GABRB1: variants seen among roughly 807,000 people sequenced by gnomAD.
GABRB1 encodes the protein gamma-aminobutyric acid type A receptor subunit beta1, also known as gamma-aminobutyric acid receptor subunit beta-1.
Under a neutral mutation model 51.6 loss-of-function variants are expected in GABRB1, and 17 were observed. The observed-to-expected ratio is 0.33, with a 90% CI of 0.23 to 0.49. The LOEUF is 0.49. Among genes scored for constraint, GABRB1 ranks in the 20% least tolerant of loss-of-function variants. The pLI is 0.99. For missense variants in GABRB1, 410 were observed against 600.6 expected (o/e 0.68, Z 3.32); for synonymous variants, 247 against 218.9 (o/e 1.13, Z -1.14).
intron 4 of GABRB1, among the ~76,000 whole-genome samples, chr4:47,239,815 T>C (rs1721459701): frequency 6.6e-6 from 1 of 152,214 alleles, no homozygotes; most frequent in Non-Finnish European, 1.5e-5. Flanking sequence ...GGCTGGCAGC[T>C]TGGTTCCAGT....
chr4:47,248,537 G>T (rs187289383), intron 4 of GABRB1, among the ~76,000 whole-genome samples: 2 of 151,918 alleles, frequency 1.3e-5, no homozygotes, highest in East Asian at 1.9e-4. Flanking sequence ...ATTAGAGAGG[G>T]TTCTTTCTTT....
At chr4:47,071,231 T>C (rs1727322036) in intron 3 of GABRB1, among the ~76,000 whole-genome samples, 1 of 152,232 alleles carries the variant, frequency 6.6e-6, no homozygotes, top group Non-Finnish European at 1.5e-5. Context: ...TTCTGAATGA[T>C]AGCAAAAGCT....
chr4:47,226,437 C>T (rs922526711), intron 4 of GABRB1, among the ~76,000 whole-genome samples: 6 of 152,170 alleles, frequency 3.9e-5, no homozygotes, highest in South Asian at 2.1e-4. Flanking sequence ...CTAGGAACAT[C>T]GCCAAGAAGC....
intron 4 of GABRB1, among the ~76,000 whole-genome samples, chr4:47,271,040 TCAAG>T (rs1722856518): frequency 6.6e-6 from 1 of 152,146 alleles, no homozygotes; most frequent in Non-Finnish European, 1.5e-5. Flanking sequence ...TTAAAGGCAA[TCAAG>T]TTGAAAATAT....
chr4:47,001,226 T>C (rs1247728160), intron 1 of GABRB1, among the ~76,000 whole-genome samples: 1 of 152,174 alleles, frequency 6.6e-6, no homozygotes, highest in East Asian at 1.9e-4. Flanking sequence ...CACTGCAAGC[T>C]CCGCCTCCCG....
At chr4:47,393,233 A>G (rs1272071616) in intron 5 of GABRB1, among the ~76,000 whole-genome samples, 1 of 152,208 alleles carries the variant, frequency 6.6e-6, no homozygotes, top group Non-Finnish European at 1.5e-5. Context: ...TCTGGGAGTC[A>G]TTGCTAGTGG....
At chr4:47,301,650 T>A (rs1308763744) in intron 4 of GABRB1, among the ~76,000 whole-genome samples, 1 of 146,646 alleles carries the variant, frequency 6.8e-6, no homozygotes, top group Non-Finnish European at 1.5e-5. Context: ...AAAAAAACAT[T>A]TCAATTAACC....
intron 3 of GABRB1, 146 bp from the exon 4 acceptor site, chr4:47,161,103 T>G (rs2109737014): frequency 1.7e-6 from 1 of 605,502 alleles, no homozygotes; most frequent in East Asian, 2.8e-5. Flanking sequence ...CCTAGTACTT[T>G]TAACCTATTG....
At chr4:47,154,351 TTG>T (rs1436153536) in intron 3 of GABRB1, among the ~76,000 whole-genome samples, 2 of 151,958 alleles carry the variant, frequency 1.3e-5, no homozygotes, top group Non-Finnish European at 2.9e-5. Context: ...TTTATTTTTA[TTG>T]TGTTTGATAG....
chr4:47,035,231 T>C (rs1321971237), intron 3 of GABRB1, among the ~76,000 whole-genome samples: 2 of 152,182 alleles, frequency 1.3e-5, no homozygotes, highest in African/African-American at 4.8e-5. Context: ...TTACACATTG[T>C]CTGCTTTACA....
At chr4:47,218,932 T>C (rs767443284) in intron 4 of GABRB1, among the ~76,000 whole-genome samples, 2 of 151,798 alleles carry the variant, frequency 1.3e-5, no homozygotes, top group Admixed American at 6.6e-5. Flanking sequence ...TATTTGTTCA[T>C]AGAGAAACCT....
intron 3 of GABRB1, among the ~76,000 whole-genome samples, chr4:47,154,023 C>T (rs1345356802): frequency 6.6e-6 from 1 of 151,900 alleles, no homozygotes. Context: ...GTTAACATAA[C>T]ACTAGATGAT....
chr4:47,189,732 A>G (rs1719356340), intron 4 of GABRB1, among the ~76,000 whole-genome samples: 2 of 151,924 alleles, frequency 1.3e-5, no homozygotes, highest in South Asian at 2.1e-4. Flanking sequence ...GCCACATTGG[A>G]ATATTAATTC....
chr4:47,336,632 G>GT (rs1051806404), intron 5 of GABRB1, among the ~76,000 whole-genome samples: 3 of 151,696 alleles, frequency 2.0e-5, no homozygotes, highest in East Asian at 1.9e-4. Context: ...TGAAATCAAG[G>GT]TAAAAAAAAA....
intron 4 of GABRB1, among the ~76,000 whole-genome samples, chr4:47,190,088 T>C (rs547370192): frequency 1.3e-5 from 2 of 152,064 alleles, no homozygotes; most frequent in East Asian, 1.9e-4. Flanking sequence ...ATAATTTAAT[T>C]AGAAGGAACT....
At chr4:46,995,098 C>A (rs535094654) in intron 1 of GABRB1, among the ~76,000 whole-genome samples, 35 of 152,134 alleles carry the variant, frequency 2.3e-4, no homozygotes, top group African/African-American at 8.0e-4. Flanking sequence ...AGGGCCTGGG[C>A]TAGGTAATTT....
At position 47,086,621 on chromosome 4, in the gene GABRB1, G is replaced by A. The variant is rs116403564; in HGVS notation, c.240+54137G>A. Among the ~76,000 whole-genome samples, 53 of 152,238 alleles carry A rather than the reference G, an allele frequency of 3.5e-4. 1 individual carries two copies. Among genetic ancestry groups the A allele is most frequent in the African/African-American group, 1.2e-3 (50 of 41,544 alleles). On this transcript the variant is annotated intron_variant, in intron 3 of 8. Coordinates refer to ENST00000295454, the MANE Select transcript of GABRB1 (RefSeq NM_000812.4). The stretch of plus-strand genomic sequence containing the variant: ...AATAGTAGGCATGCTAAGTCAAGTC[G>A]AAACTTAAACAAAAACTCATAGTGC...
In GABRB1 at chr4:47,292,690, A is replaced by C. The variant is rs1399394190; in HGVS notation, c.462-27437A>C. Among the ~76,000 whole-genome samples, 8 of 152,332 alleles carry C rather than the reference A, an allele frequency of 5.3e-5. No individual in the cohort carries two copies. In the East Asian group the frequency reaches 1.5e-3, roughly 29 times the overall value. ...GACTGGGTAATTTATTGTGAACAGA[A>C]ATTTATTGACTGATGGCACTGGAGG... On this transcript the variant is annotated intron_variant, in intron 4 of 8. Coordinates refer to ENST00000295454, the MANE Select transcript of GABRB1 (RefSeq NM_000812.4).
intron 4 of GABRB1, among the ~76,000 whole-genome samples, chr4:47,303,384 C>CTA (rs1203760644): frequency 1.1e-4 from 13 of 123,364 alleles, no homozygotes; most frequent in Admixed American, 2.6e-4. Flanking sequence ...CTCTCTCTCT[C>CTA]TCTATATATA....
Sources: gnomAD v4.1 joint callset for allele counts (sites outside exome capture counted in the v4.1 genomes callset) on GRCh38, gnomAD v4.1.1 for gene constraint, MANE v1.5 for transcripts, NCBI Gene and HGNC (gene_info 2026-07-23, HGNC 2026-07-21) for gene names.